EXOC2: variants seen among roughly 807,000 people sequenced by gnomAD.
The protein encoded by EXOC2 is exocyst complex component 2.
Under a neutral mutation model 131.8 loss-of-function variants are expected in EXOC2, and 70 were observed. That is an observed-to-expected ratio of 0.53 (90% CI 0.44 to 0.65). EXOC2 has a LOEUF of 0.65. EXOC2 is among the 30% of genes least tolerant of loss of function. EXOC2 has a pLI of 0.00. For synonymous variants in EXOC2, 411 were observed against 398.4 expected (o/e 1.03, Z -0.38); for missense variants, 923 against 1,108.6 (o/e 0.83, Z 2.38).
intron 13 of EXOC2, among the ~76,000 whole-genome samples, chr6:569,378 CTGGCT>C (rs1170998654): frequency 6.6e-6 from 1 of 152,232 alleles, no homozygotes; most frequent in African/African-American, 2.4e-5. Flanking sequence ...ATGGCCTTCA[CTGGCT>C]TGAAGAACTG....
At chr6:636,057 G>C (rs547493237) in intron 2 of EXOC2, among the ~76,000 whole-genome samples, 1 of 152,210 alleles carries the variant, frequency 6.6e-6, no homozygotes, top group African/African-American at 2.4e-5. Flanking sequence ...GCGAGACTCC[G>C]TCTCAAAACA....
chr6:500,827 C>T (rs1430286594), intron 23 of EXOC2, among the ~76,000 whole-genome samples: 16 of 151,734 alleles, frequency 1.1e-4, no homozygotes, highest in African/African-American at 1.9e-4. Context: ...GTCTCATCCA[C>T]GCTACTGGTT....
intron 1 of EXOC2, 117 bp from the exon 2 acceptor site, chr6:637,978 T>C (rs1762178776): frequency 2.9e-6 from 2 of 681,898 alleles, no homozygotes; most frequent in South Asian, 4.0e-5. Context: ...ACACAGAGTT[T>C]TGAATTTTTT....
At chr6:589,422 C>G (rs557280517) in intron 11 of EXOC2, among the ~76,000 whole-genome samples, 1 of 151,618 alleles carries the variant, frequency 6.6e-6, no homozygotes, top group Admixed American at 6.6e-5. Flanking sequence ...AATGCCGATC[C>G]GGAGAACTGA....
intron 23 of EXOC2, among the ~76,000 whole-genome samples, chr6:508,398 G>A (rs1461161929): frequency 6.6e-6 from 1 of 152,102 alleles, no homozygotes; most frequent in East Asian, 1.9e-4. Flanking sequence ...GGTACCAACC[G>A]TTACGGTAAC....
chr6:600,311 T>C (rs1184261753), intron 7 of EXOC2, among the ~76,000 whole-genome samples: 3 of 152,248 alleles, frequency 2.0e-5, no homozygotes, highest in Non-Finnish European at 4.4e-5. Flanking sequence ...TCTACATTTC[T>C]ATTATAAGAT....
At chr6:622,147 T>A (rs1351121251) in intron 4 of EXOC2, among the ~76,000 whole-genome samples, 1 of 152,174 alleles carries the variant, frequency 6.6e-6, no homozygotes, top group Non-Finnish European at 1.5e-5. Context: ...CGGGCAGAAG[T>A]CATGGTGGCT....
At chr6:521,243 G>A (rs1343252603) in intron 23 of EXOC2, among the ~76,000 whole-genome samples, 3 of 69,108 alleles carry the variant, frequency 4.3e-5, no homozygotes, top group Non-Finnish European at 8.7e-5. Flanking sequence ...GCACCGACAC[G>A]CACCGTCCAC....
At chr6:635,148 C>T (rs1762042037) in intron 2 of EXOC2, among the ~76,000 whole-genome samples, 1 of 152,140 alleles carries the variant, frequency 6.6e-6, no homozygotes, top group Non-Finnish European at 1.5e-5. Context: ...CGTCAGGTAG[C>T]AATGTAAAAA....
chr6:657,556 CAATG>C (rs1324221822), intron 1 of EXOC2, among the ~76,000 whole-genome samples: 1 of 152,154 alleles, frequency 6.6e-6, no homozygotes, highest in Non-Finnish European at 1.5e-5. Context: ...ATTATGAACA[CAATG>C]AATATTTTTG....
intron 1 of EXOC2, among the ~76,000 whole-genome samples, chr6:644,831 CAAAAT>C (rs1762507760): frequency 6.6e-6 from 1 of 151,980 alleles, no homozygotes; most frequent in Admixed American, 6.6e-5. Context: ...ACTGCAGAGA[CAAAAT>C]AAAGACCTAA....
At position 485,275 on chromosome 6, in the gene EXOC2, T is replaced by G; in HGVS notation, c.*1396A>C. 1 of 152,214 alleles carries G rather than the reference T, an allele frequency of 6.6e-6. No individual in the cohort carries two copies. Among genetic ancestry groups the G allele is most frequent in the East Asian group, 1.9e-4 (1 of 5,202 alleles). The allele number at this position is 152,214 out of a possible 1,614,324, so 9.4% of individuals were successfully genotyped here. The stretch of plus-strand genomic sequence containing the variant: ...GAGTTAGATACAACAGTTAACATAC[T>G]TAGGAAAGACAATTCTTAACAGCTT... On this transcript the variant is annotated 3_prime_UTR_variant, in exon 28 of 28. Coordinates refer to ENST00000230449, the MANE Select transcript of EXOC2 (RefSeq NM_018303.6).
intron 1 of EXOC2, among the ~76,000 whole-genome samples, chr6:680,068 G>C (rs1008755646): frequency 6.6e-5 from 10 of 151,960 alleles, no homozygotes; most frequent in Non-Finnish European, 1.5e-4. Flanking sequence ...ATACATAAGA[G>C]AGACTAGCAT....
At chr6:607,034 G>A (rs1233916478) in intron 7 of EXOC2, among the ~76,000 whole-genome samples, 3 of 152,216 alleles carry the variant, frequency 2.0e-5, no homozygotes, top group Non-Finnish European at 4.4e-5. Context: ...TGGTGGCCTT[G>A]AAGGAGGCAG....
At chr6:599,736 T>G (rs1274898285) in intron 7 of EXOC2, among the ~76,000 whole-genome samples, 1 of 152,190 alleles carries the variant, frequency 6.6e-6, no homozygotes, top group Non-Finnish European at 1.5e-5. Context: ...TACCTCTACG[T>G]AGCAGGCAAA....
At chr6:530,355 T>G (rs1311289603) in intron 23 of EXOC2, among the ~76,000 whole-genome samples, 2 of 152,216 alleles carry the variant, frequency 1.3e-5, no homozygotes, top group Non-Finnish European at 2.9e-5. Context: ...CAGCATCAGC[T>G]GAGTGTCACA....
Position 610,194 on chromosome 6 carries a change from T to C in EXOC2, c.662-16A>G. 2 of 1,605,810 alleles carry C rather than the reference T, an allele frequency of 1.2e-6. No individual in the cohort carries two copies. Among genetic ancestry groups the C allele is most frequent in the Non-Finnish European group, 1.7e-6 (2 of 1,172,772 alleles). On this transcript the variant is annotated splice_polypyrimidine_tract_variant and intron_variant, in intron 6 of 27. Coordinates refer to ENST00000230449, the MANE Select transcript of EXOC2 (RefSeq NM_018303.6). ...TGATGGATGGCTAGAAAAAAAAATC[T>C]AGTTAAAATGTAGGCCATTTTAATG...
At chr6:504,998 T>G (rs1461105786) in intron 23 of EXOC2, among the ~76,000 whole-genome samples, 1 of 152,220 alleles carries the variant, frequency 6.6e-6, no homozygotes, top group East Asian at 1.9e-4. Flanking sequence ...TTTCTCTTTC[T>G]GAAATGCAAG....
chr6:561,886 C>T (rs1046327254), intron 17 of EXOC2, among the ~76,000 whole-genome samples: 1 of 152,170 alleles, frequency 6.6e-6, no homozygotes, highest in African/African-American at 2.4e-5. Context: ...CCAGCCTATC[C>T]TTTTTTCTTA....
Sources: gnomAD v4.1 joint callset for allele counts (sites outside exome capture counted in the v4.1 genomes callset) on GRCh38, gnomAD v4.1.1 for gene constraint, MANE v1.5 for transcripts, NCBI Gene and HGNC (gene_info 2026-07-23, HGNC 2026-07-21) for gene names.